The following F13A1 variants were observed in gnomAD, a reference collection of about 807,000 sequenced individuals.
F13A1 encodes FSF, A subunit.
A neutral mutation model predicts 80.1 loss-of-function variants in F13A1; 47 were observed. That is an observed-to-expected ratio of 0.59 (90% CI 0.46 to 0.75). F13A1 has a LOEUF of 0.75. Among genes scored for constraint, F13A1 ranks in the 30% least tolerant of loss-of-function variants. The pLI is 0.00. For synonymous variants in F13A1, 349 were observed against 344.9 expected, an observed-to-expected ratio of 1.01 and a Z score of -0.13; for missense variants, 817 against 930.4, an observed-to-expected ratio of 0.88 and a Z score of 1.59.
At chr6:6,244,538 G>GCC (rs1414169270) in intron 6 of F13A1, among the ~76,000 whole-genome samples, 3 of 152,272 alleles carry the variant, frequency 2.0e-5, no homozygotes, top group Admixed American at 2.0e-4. Context: ...AACTCCAATA[G>GCC]CCCCAGGCTG....
chr6:6,150,881 A>G (rs762317900), intron 14 of F13A1, among the ~76,000 whole-genome samples: 3 of 152,188 alleles, frequency 2.0e-5, no homozygotes, highest in Non-Finnish European at 2.9e-5. Context: ...ACCATGTTAG[A>G]GGAGAGGGAA....
rs1341000329 is a variant in F13A1, at chr6:6,250,627, T to G, written c.690+184A>C. Among the ~76,000 whole-genome samples, 1 of 152,236 alleles carries G rather than the reference T, an allele frequency of 6.6e-6. No homozygotes were observed. Among genetic ancestry groups the G allele is most frequent in the Admixed American group, 6.5e-5 (1 of 15,276 alleles). ...ATACCCAGAGATATGTGGTTTCAGCTGATAAATTACGCAGTTGTCTTTATG... is the reference window on the plus strand; with the variant it reads ...ATACCCAGAGATATGTGGTTTCAGCGGATAAATTACGCAGTTGTCTTTATG... On this transcript the variant is annotated intron_variant, in intron 5 of 14. Coordinates refer to ENST00000264870, the MANE Select transcript of F13A1 (RefSeq NM_000129.4). This position sits in a 1 kb window ranked among gnomAD's most constrained non-coding sequence, Gnocchi z 4.2.
intron 3 of F13A1, among the ~76,000 whole-genome samples, chr6:6,272,080 C>A (rs1196881826): frequency 6.6e-6 from 1 of 152,116 alleles, no homozygotes; most frequent in Admixed American, 6.5e-5. Flanking sequence ...GCTATGTGAC[C>A]CTGGGGAAAA....
chr6:6,190,877 C>G (rs1164575210), intron 10 of F13A1, among the ~76,000 whole-genome samples: 1 of 152,072 alleles, frequency 6.6e-6, no homozygotes, highest in African/African-American at 2.4e-5. Flanking sequence ...ATCAGCGAGA[C>G]TCCGTGGGCG....
At chr6:6,155,923 A>G (rs4959370) in intron 13 of F13A1, among the ~76,000 whole-genome samples, 30,754 of 152,148 alleles carry the variant, frequency 0.2, 3,254 homozygotes, top group Middle Eastern at 0.28. Context: ...TTTCATTTTC[A>G]CAGTCATATT....
At chr6:6,164,122 A>T (rs943029296) in intron 13 of F13A1, among the ~76,000 whole-genome samples, 1 of 152,176 alleles carries the variant, frequency 6.6e-6, no homozygotes, top group African/African-American at 2.4e-5. Context: ...CAGGAAAAAA[A>T]CCAAACAACC....
intron 11 of F13A1, among the ~76,000 whole-genome samples, chr6:6,177,102 C>T (rs569008266): frequency 3.3e-5 from 5 of 152,308 alleles, no homozygotes; most frequent in Admixed American, 3.3e-4. Flanking sequence ...TTACATAATT[C>T]AGGGCCACAG....
intron 3 of F13A1, among the ~76,000 whole-genome samples, chr6:6,298,734 T>C (rs1758371702): frequency 1.3e-5 from 2 of 149,926 alleles, no homozygotes; most frequent in Non-Finnish European, 2.9e-5. Flanking sequence ...AATTGGAGCA[T>C]TTAGTCCATT....
intron 2 of F13A1, among the ~76,000 whole-genome samples, chr6:6,306,296 T>G (rs1758511667): frequency 6.6e-6 from 1 of 152,262 alleles, no homozygotes; most frequent in African/African-American, 2.4e-5. Context: ...TCTTTTGATT[T>G]GTGGCATCAG....
At chr6:6,269,113 C>A (rs530763707) in intron 3 of F13A1, among the ~76,000 whole-genome samples, 17 of 152,106 alleles carry the variant, frequency 1.1e-4, no homozygotes, top group Admixed American at 5.2e-4. Flanking sequence ...AAGGAAAGTA[C>A]GTTACTTGTG....
intron 12 of F13A1, 63 bp downstream of exon 12, chr6:6,174,517 A>G: frequency 1.3e-6 from 2 of 1,573,452 alleles, no homozygotes; most frequent in Non-Finnish European, 1.7e-6. Flanking sequence ...ACGGGCATTA[A>G]CACCTAGCAA....
intron 3 of F13A1, among the ~76,000 whole-genome samples, chr6:6,268,043 A>C (rs1757869607): frequency 6.6e-6 from 1 of 152,252 alleles, no homozygotes; most frequent in Admixed American, 6.5e-5. Flanking sequence ...AGTTATACAA[A>C]AATAGTAAAG....
chr6:6,169,766 A>G (rs1231079247), intron 12 of F13A1, among the ~76,000 whole-genome samples: 1 of 152,252 alleles, frequency 6.6e-6, no homozygotes, highest in Non-Finnish European at 1.5e-5. Flanking sequence ...CAAAGTATCC[A>G]GCCCATAATG....
chr6:6,226,980 A>G (rs1005552013), intron 6 of F13A1, among the ~76,000 whole-genome samples: 3 of 147,998 alleles, frequency 2.0e-5, no homozygotes, highest in African/African-American at 7.3e-5. Flanking sequence ...AGAAAAGGCC[A>G]TCTACATAGT....
In F13A1 at chr6:6,161,677, C is replaced by T. The variant is rs542268499; in HGVS notation, c.1908+5781G>A. ...TATTTTGATAGCATGGGGAAAGAGA[C>T]GTGTGCTCATTAAAGTTTAATGACT... On this transcript the variant is annotated intron_variant, in intron 13 of 14. Transcript: ENST00000264870. Among the ~76,000 whole-genome samples, 17 of 152,066 alleles carry T rather than the reference C, an allele frequency of 1.1e-4. No individual in the cohort carries two copies. The South Asian group carries it at 1.2e-3, about 11-fold the overall frequency.
chr6:6,278,420 G>T (rs1007489224), intron 3 of F13A1, among the ~76,000 whole-genome samples: 7 of 152,162 alleles, frequency 4.6e-5, no homozygotes, highest in Non-Finnish European at 1.0e-4. Context: ...AAATATCAGG[G>T]GACAGGTGTC....
intron 13 of F13A1, among the ~76,000 whole-genome samples, chr6:6,166,737 T>C (rs960893335): frequency 5.3e-5 from 8 of 152,186 alleles, no homozygotes; most frequent in African/African-American, 1.9e-4. Context: ...TCATCAACCC[T>C]CGGCCTTCCT....
At chr6:6,268,460 A>G (rs1049644749) in intron 3 of F13A1, among the ~76,000 whole-genome samples, 2 of 152,176 alleles carry the variant, frequency 1.3e-5, no homozygotes, top group African/African-American at 4.8e-5. Context: ...TCTAAGCTCT[A>G]TGGCAGCTGT....
chr6:6,214,711 A>C (rs1761688010), intron 8 of F13A1, among the ~76,000 whole-genome samples: 1 of 90,044 alleles, frequency 1.1e-5, no homozygotes, highest in Admixed American at 1.1e-4. Flanking sequence ...GAGACACAAA[A>C]AACCCTTCAA....
Sources: gnomAD v4.1 joint callset for allele counts (sites outside exome capture counted in the v4.1 genomes callset) on GRCh38, gnomAD v4.1.1 for gene constraint, Gnocchi (gnomAD v3.1) non-coding constraint, MANE v1.5 for transcripts, NCBI Gene and HGNC (gene_info 2026-07-23, HGNC 2026-07-21) for gene names.